The following TTLL11 variants were observed in gnomAD, a reference collection of about 807,000 sequenced individuals.
TTLL11 encodes tubulin polyglutamylase TTLL11.
A neutral mutation model predicts 51.7 loss-of-function variants in TTLL11; 42 were observed. The observed-to-expected ratio is 0.81, with a 90% CI of 0.64 to 1.05. The LOEUF (loss-of-function observed/expected upper bound fraction) is 1.05. TTLL11 is among the 50% of genes least tolerant of loss of function. The pLI, the probability that TTLL11 is intolerant of heterozygous loss-of-function variation, is 0.00. For missense variants in TTLL11, 799 were observed against 940.4 expected (o/e 0.85, Z 1.97); for synonymous variants, 381 against 383.5 (o/e 0.99, Z 0.08).
intron 1 of TTLL11, among the ~76,000 whole-genome samples, chr9:122,069,203 AC>A: frequency 6.6e-6 from 1 of 152,270 alleles, no homozygotes; most frequent in East Asian, 1.9e-4. Flanking sequence ...TGAGTCAGGC[AC>A]TGTTCTAAGG....
At chr9:122,037,447 T>G (rs1015341500) in intron 2 of TTLL11, among the ~76,000 whole-genome samples, 3 of 152,150 alleles carry the variant, frequency 2.0e-5, no homozygotes, top group Non-Finnish European at 2.9e-5. Context: ...ACAATGAAGG[T>G]AGAATGTTAG....
intron 3 of TTLL11, among the ~76,000 whole-genome samples, chr9:121,997,194 G>T (rs1843300126): frequency 6.6e-6 from 1 of 151,946 alleles, no homozygotes; most frequent in African/African-American, 2.4e-5. Flanking sequence ...CAACAAAAAA[G>T]CCTCTCTAGA....
chr9:121,927,100 G>T (rs1840764165), intron 6 of TTLL11, among the ~76,000 whole-genome samples: 1 of 152,234 alleles, frequency 6.6e-6, no homozygotes, highest in Admixed American at 6.5e-5. Flanking sequence ...GGGCTGGCCG[G>T]TGGAGTTAGG....
chr9:121,933,563 A>G (rs1588136146), intron 6 of TTLL11, among the ~76,000 whole-genome samples: 1 of 152,202 alleles, frequency 6.6e-6, no homozygotes, highest in East Asian at 1.9e-4. Context: ...CTCACTATCC[A>G]TCGATTTCCA....
chr9:122,093,291 G>C lies in TTLL11; in HGVS notation c.-143C>G, dbSNP rs772942090. On this transcript the variant is annotated 5_prime_UTR_variant, in exon 1 of 9. Transcript: ENST00000321582. ...CCCGTTGCCATGATCGCTCAGGCTC[G>C]GGTTGACAGCGGCAGTCACCGCATC... 1.9e-6 allele frequency: 3 copies of C among 1,573,782 alleles called. No individual in the cohort carries two copies. The highest frequency in any genetic ancestry group is 1.4e-5 in the African/African-American group (1 of 72,192).
chr9:121,873,620 T>G (rs1304677494), intron 6 of TTLL11, among the ~76,000 whole-genome samples: 1 of 148,314 alleles, frequency 6.7e-6, no homozygotes, highest in Non-Finnish European at 1.5e-5. Flanking sequence ...TCCCGCCTCC[T>G]CCTCCTCCTC....
chr9:121,860,324 A>G lies in TTLL11; in HGVS notation c.1840+13T>C, dbSNP rs1463504909. 1 of 1,548,440 alleles carries G rather than the reference A, an allele frequency of 6.5e-7. No individual in the cohort carries two copies. Among genetic ancestry groups the G allele is most frequent in the East Asian group, 2.4e-5 (1 of 40,892 alleles). ...GACCCCCACAGGCCATGGCAGAGGC[A>G]TTTGTCAAATACCTGAGTCCCGCTG... On this transcript the variant is annotated intron_variant, in intron 8 of 8. Coordinates refer to ENST00000321582, the MANE Select transcript of TTLL11 (RefSeq NM_001139442.2).
rs534418042 is a variant in TTLL11, at chr9:121,833,782, T to C, written c.1841-10903A>G. Among the ~76,000 whole-genome samples, 24 of 152,342 alleles carry C rather than the reference T, an allele frequency of 1.6e-4. 1 individual carries two copies. In the East Asian group the frequency reaches 4.6e-3, roughly 29 times the overall value. ...TTACAGAGCACATTTGAATATATGA[T>C]ATAATTAAATCCAAATCATTGTCGA... On this transcript the variant is annotated intron_variant, in intron 8 of 8. Transcript: ENST00000321582.
At chr9:121,895,118 A>G (rs1037972970) in intron 6 of TTLL11, among the ~76,000 whole-genome samples, 1 of 152,192 alleles carries the variant, frequency 6.6e-6, no homozygotes, top group Non-Finnish European at 1.5e-5. Context: ...TTTATCTTAC[A>G]TGTCTTAAAT....
At chr9:121,920,987 T>C (rs919472272) in intron 6 of TTLL11, among the ~76,000 whole-genome samples, 4 of 152,250 alleles carry the variant, frequency 2.6e-5, no homozygotes, top group African/African-American at 9.6e-5. Context: ...TATTTTGACT[T>C]CTGCCAACAA....
At chr9:121,860,876 A>T (rs1837985639) in intron 7 of TTLL11, among the ~76,000 whole-genome samples, 1 of 152,136 alleles carries the variant, frequency 6.6e-6, no homozygotes, top group Non-Finnish European at 1.5e-5. Context: ...GAACCGACTG[A>T]CATTGTTTTT....
intron 1 of TTLL11, among the ~76,000 whole-genome samples, chr9:122,040,876 T>G (rs1844828569): frequency 6.6e-6 from 1 of 152,274 alleles, no homozygotes; most frequent in East Asian, 1.9e-4. Context: ...AAGTTATTAA[T>G]TCAGTACTCA....
intron 6 of TTLL11, among the ~76,000 whole-genome samples, chr9:121,892,776 G>GC (rs1185857172): frequency 6.6e-6 from 1 of 152,208 alleles, no homozygotes; most frequent in Non-Finnish European, 1.5e-5. Context: ...ACCTCTGCCT[G>GC]CCCAGAAGTG....
intron 1 of TTLL11, among the ~76,000 whole-genome samples, chr9:122,066,995 C>A (rs1044067106): frequency 6.6e-6 from 1 of 152,132 alleles, no homozygotes; most frequent in Non-Finnish European, 1.5e-5. Context: ...AAACTTCCCC[C>A]ATGATTCAAT....
chr9:122,075,644 A>G (rs1345755035), intron 1 of TTLL11, among the ~76,000 whole-genome samples: 1 of 152,208 alleles, frequency 6.6e-6, no homozygotes, highest in Non-Finnish European at 1.5e-5. Flanking sequence ...AGAGAGTCAT[A>G]AAGTTTAGTA....
intron 6 of TTLL11, among the ~76,000 whole-genome samples, chr9:121,938,213 C>T (rs1412573565): frequency 3.3e-5 from 5 of 150,202 alleles, no homozygotes; most frequent in Non-Finnish European, 7.4e-5. Context: ...CACTTGAACC[C>T]GGGATGCAGA....
At chr9:121,888,717 A>G (rs998320896) in intron 6 of TTLL11, among the ~76,000 whole-genome samples, 1 of 152,224 alleles carries the variant, frequency 6.6e-6, no homozygotes, top group Non-Finnish European at 1.5e-5. Context: ...ATTTCTGCCT[A>G]TAAAATGGCA....
At chr9:122,018,614 T>C (rs1844065239) in intron 3 of TTLL11, among the ~76,000 whole-genome samples, 1 of 152,118 alleles carries the variant, frequency 6.6e-6, no homozygotes, top group African/African-American at 2.4e-5. Flanking sequence ...TGGGACTGAG[T>C]CGAGGAGAGG....
rs146913626 is a variant in TTLL11, at chr9:122,036,737, C to T, written c.559+2535G>A. Among the ~76,000 whole-genome samples, 650 of 152,184 alleles carry T rather than the reference C, an allele frequency of 4.3e-3. 5 individuals carry two copies. The highest frequency in any genetic ancestry group is 5.4e-3 in the Non-Finnish European group (366 of 67,994). Reference sequence around the variant, plus strand: ...AGTAATATACAATGTATAGAAAGTGCATTTTAGAATAATGAGATATATGAG... The same window carrying T: ...AGTAATATACAATGTATAGAAAGTGTATTTTAGAATAATGAGATATATGAG... On this transcript the variant is annotated intron_variant, in intron 2 of 8. Coordinates refer to ENST00000321582, the MANE Select transcript of TTLL11 (RefSeq NM_001139442.2).
Sources: gnomAD v4.1 joint callset for allele counts (sites outside exome capture counted in the v4.1 genomes callset) on GRCh38, gnomAD v4.1.1 for gene constraint, MANE v1.5 for transcripts, NCBI Gene and HGNC (gene_info 2026-07-23, HGNC 2026-07-21) for gene names.